Variants in PGLYRP3 observed in about 807,000 individuals in gnomAD.
PGLYRP3 encodes peptidoglycan recognition protein 3.
Under a neutral mutation model 36.0 loss-of-function variants are expected in PGLYRP3, and 39 were observed. That is an observed-to-expected ratio of 1.08 (90% confidence interval 0.84 to 1.41). PGLYRP3 has a LOEUF of 1.41. Among genes scored for constraint, PGLYRP3 ranks in the 40% most tolerant of loss-of-function variants. PGLYRP3 has a pLI of 0.00. For missense variants in PGLYRP3, 407 were observed against 427.9 expected, an observed-to-expected ratio of 0.95 and a Z score of 0.43; for synonymous variants, 204 against 172.8, an observed-to-expected ratio of 1.18 and a Z score of -1.42.
chr1:153,298,470 T>A (rs1039438312), intron 7 of PGLYRP3, among the ~76,000 whole-genome samples: 1 of 151,870 alleles, frequency 6.6e-6, no homozygotes, highest in Non-Finnish European at 1.5e-5. Context: ...CTGGCTAACA[T>A]GGTGAAACCC....
chr1:153,308,416 C>T (rs185799553), intron 2 of PGLYRP3, among the ~76,000 whole-genome samples: 89 of 152,310 alleles, frequency 5.8e-4, no homozygotes, highest in South Asian at 2.1e-4. Flanking sequence ...TGGGATTCCT[C>T]CCCACCCCTT....
At position 153,297,648 on chromosome 1, in the gene PGLYRP3, G is replaced by A. The variant is rs1451442335; in HGVS notation, c.*308C>T. ...GAAAGAAGAGGAGACAGGGGTTGGGGGGAGAGAGAGAGAAATGCCACAAGG... is the reference window on the plus strand; with the variant it reads ...GAAAGAAGAGGAGACAGGGGTTGGGAGGAGAGAGAGAGAAATGCCACAAGG... On this transcript the variant is annotated 3_prime_UTR_variant, in exon 8 of 8. Coordinates refer to ENST00000683862, the MANE Select transcript of PGLYRP3 (RefSeq NM_052891.3). Among the ~76,000 whole-genome samples the A allele has an allele frequency of 2.0e-5, 3 of 151,880 alleles. 1 individual carries two copies. The highest frequency in any genetic ancestry group is 4.2e-4 in the South Asian group (2 of 4,818).
chr1:153,299,043 C>T, intron 7 of PGLYRP3, 70 bp downstream of exon 7: 1 of 1,331,598 alleles, frequency 7.5e-7, no homozygotes, highest in Non-Finnish European at 1.1e-6. Flanking sequence ...GCCTTTCCCG[C>T]CATGCTTCCC....
At chr1:153,298,194 G>A (rs978784402) in intron 7 of PGLYRP3, 60 bp from the exon 8 acceptor site, 7 of 1,558,178 alleles carry the variant, frequency 4.5e-6, no homozygotes, top group Non-Finnish European at 5.2e-6. Flanking sequence ...ATTAGGGAAG[G>A]GACAAGCACC....
intron 3 of PGLYRP3, among the ~76,000 whole-genome samples, chr1:153,305,766 A>G (rs764416552): frequency 1.3e-5 from 2 of 152,188 alleles, no homozygotes; most frequent in Non-Finnish European, 2.9e-5. Context: ...AGTCAGGCCG[A>G]CTTTCCACCC....
intron 1 of PGLYRP3, among the ~76,000 whole-genome samples, 167 bp downstream of exon 1, chr1:153,312,476 T>A (rs1334892016): frequency 1.3e-5 from 2 of 152,148 alleles, no homozygotes; most frequent in African/African-American, 2.4e-5. Context: ...GAATTTAGAA[T>A]GAAGAAAATT....
rs202027575 is a variant in PGLYRP3 at position 153,297,581 on chromosome 1, GAAGAAAGAAAGA to G, written c.*363_*374del. Among the ~76,000 whole-genome samples the G allele has an allele frequency of 6.2e-5, 3 of 48,470 alleles. No individual in the cohort carries two copies. Among genetic ancestry groups the G allele is most frequent in the African/African-American group, 2.1e-4 (3 of 14,570 alleles). 31.8% of individuals were successfully genotyped at this position (48,470 alleles called of 152,430 possible). On this transcript the variant is annotated 3_prime_UTR_variant, in exon 8 of 8. Transcript: ENST00000683862. ...AAAGAAAAAGAAAGAAAGAAAGAAA[GAAGAAAGAAAGA>G]AAGAAAGAAAGAGAAAGGAAGCAAA... is the stretch of plus-strand genomic sequence containing the variant.
chr1:153,307,280 C>T lies in PGLYRP3; in HGVS notation c.56-13G>A. 6.3e-7 allele frequency: 1 copy of T among 1,582,312 alleles called. No individual in the cohort carries two copies. Among genetic ancestry groups the T allele is most frequent in the Non-Finnish European group, 8.6e-7 (1 of 1,164,300 alleles). Reference sequence around the variant, plus strand: ...ATGGTGGGAGTATCTGTAGGGAAGACCACAGAATGGCACATAGCAGGCCCT... The same window carrying T: ...ATGGTGGGAGTATCTGTAGGGAAGATCACAGAATGGCACATAGCAGGCCCT... On this transcript the variant is annotated splice_polypyrimidine_tract_variant and intron_variant, in intron 2 of 7. Transcript: ENST00000683862.
chr1:153,308,084 T>G (rs1659798232), intron 2 of PGLYRP3, among the ~76,000 whole-genome samples: 1 of 150,556 alleles, frequency 6.6e-6, no homozygotes, highest in East Asian at 2.0e-4. Context: ...AGCCTCCACC[T>G]CCCGGATTCA....
At chr1:153,299,090 T>C in intron 7 of PGLYRP3, 23 bp downstream of exon 7, 1 of 1,595,442 alleles carries the variant, frequency 6.3e-7, no homozygotes, top group Non-Finnish European at 8.6e-7. Flanking sequence ...CCAGCACCCC[T>C]CTACCCCATG....
At chr1:153,308,363 A>G (rs1264303476) in intron 2 of PGLYRP3, among the ~76,000 whole-genome samples, 3 of 152,142 alleles carry the variant, frequency 2.0e-5, no homozygotes, top group African/African-American at 7.2e-5. Flanking sequence ...CCTTTGCCTA[A>G]GGACTCAGGA....
intron 5 of PGLYRP3, 130 bp downstream of exon 5, chr1:153,303,727 A>T: frequency 8.9e-7 from 1 of 1,121,434 alleles, no homozygotes; most frequent in South Asian, 1.9e-5. Flanking sequence ...TCCAGATCTC[A>T]AAGTAGGCAT....
chr1:153,308,751 C>A (rs1659820074), intron 2 of PGLYRP3, among the ~76,000 whole-genome samples: 1 of 152,210 alleles, frequency 6.6e-6, no homozygotes, highest in African/African-American at 2.4e-5. Flanking sequence ...CGTCTTCTAG[C>A]AAGCACACAG....
rs548249878 is a variant in PGLYRP3, at chr1:153,310,701, G to A, written c.-36C>T. 12 of 1,598,862 alleles carry A rather than the reference G, an allele frequency of 7.5e-6. No individual in the cohort carries two copies. The highest frequency in any genetic ancestry group is 1.0e-5 in the Non-Finnish European group (12 of 1,167,122). On this transcript the variant is annotated 5_prime_UTR_variant, in exon 2 of 8. Coordinates refer to ENST00000683862, the MANE Select transcript of PGLYRP3 (RefSeq NM_052891.3). ...GACTCTGACCGGGAGAGTGTGGACG[G>A]CAGCCCTGGAAGAGAGGCTAACAGT...
Position 153,299,220 on chromosome 1 carries a change from C to T in PGLYRP3, c.740G>A (p.Gly247Asp). The T allele has an allele frequency of 1.2e-6, 2 of 1,613,382 alleles. No individual in the cohort carries two copies. Among genetic ancestry groups the T allele is most frequent in the Middle Eastern group, 3.3e-4 (2 of 6,062 alleles). The change falls in exon 7 of 8, where the codon GGC becomes GAC. Residue 247 changes from glycine to aspartate, a missense_variant. Transcript: ENST00000683862. The stretch of plus-strand genomic sequence containing the variant: ...CCCTTCATACACGCCACCATCCTGG[C>T]CCACCAGGAAGCTTAGGTCAGGAAA... ...FCDIGYHFLV[G>D]QDGGVYEGVG... is the part of the protein sequence containing the mutation.
intron 2 of PGLYRP3, among the ~76,000 whole-genome samples, chr1:153,307,946 G>C (rs568411410): frequency 2.6e-5 from 4 of 152,038 alleles, no homozygotes; most frequent in African/African-American, 9.7e-5. Flanking sequence ...TCATGCTGGA[G>C]CTGGGAGTGG....
At position 153,302,485 on chromosome 1, in the gene PGLYRP3, T is replaced by C; in HGVS notation, c.652A>G (p.Thr218Ala). 1 of 1,614,232 alleles carries C rather than the reference T, an allele frequency of 6.2e-7. No individual in the cohort carries two copies. Among genetic ancestry groups the C allele is most frequent in the Non-Finnish European group, 8.5e-7 (1 of 1,180,032 alleles). Reference protein sequence around the residue: ...HTAGTSCTVSTDCQTVVRNIQ... With the variant: ...HTAGTSCTVSADCQTVVRNIQ... The stretch of plus-strand genomic sequence containing the variant: ...TTTCGGACGACAGTCTGGCAGTCTG[T>C]GGATACAGTGCAGCTTGTGCCAGCG... The change falls in exon 6 of 8, where the codon ACA (threonine) becomes GCA (alanine). Residue 218 changes from threonine to alanine, a missense_variant. Physicochemically the swap from Thr to Ala is moderately conservative, Grantham distance 58. Coordinates refer to ENST00000683862, the MANE Select transcript of PGLYRP3 (RefSeq NM_052891.3).
chr1:153,308,820 G>A (rs1659822102), intron 2 of PGLYRP3, among the ~76,000 whole-genome samples: 1 of 152,182 alleles, frequency 6.6e-6, no homozygotes, highest in Non-Finnish European at 1.5e-5. Context: ...TCTGCCCAGA[G>A]AGGCCTTTGT....
At position 153,297,471 on chromosome 1, in the gene PGLYRP3, AGAGAGT is replaced by A. The variant is rs1445262199; in HGVS notation, c.*479_*484del. On this transcript the variant is annotated 3_prime_UTR_variant, in exon 8 of 8. Coordinates refer to ENST00000683862, the MANE Select transcript of PGLYRP3 (RefSeq NM_052891.3). ...GAGGGGGAGAGAGAGAGAGAGAGAG[AGAGAGT>A]GAGAAAGCAAGAAAGAAGGTGAAAG... Among the ~76,000 whole-genome samples, 172 of 140,466 alleles carry A rather than the reference AGAGAGT, an allele frequency of 1.2e-3. 9 individuals are homozygous for A. In the East Asian group the frequency reaches 0.029, roughly 23 times the overall value. The allele number at this position is 140,466 out of a possible 152,430, so 92.2% of individuals were successfully genotyped here.
Sources: gnomAD v4.1 joint callset for allele counts (sites outside exome capture counted in the v4.1 genomes callset) on GRCh38, gnomAD v4.1.1 for gene constraint, MANE v1.5 for transcripts, NCBI Gene and HGNC (gene_info 2026-07-23, HGNC 2026-07-21) for gene names.